The following ENDOG variants were observed in gnomAD, a reference collection of about 807,000 sequenced individuals.
The protein encoded by ENDOG is endonuclease G, mitochondrial.
A neutral mutation model predicts 22.6 loss-of-function variants in ENDOG; 22 were observed. The observed-to-expected ratio is 0.97, with a 90% confidence interval of 0.70 to 1.39. The LOEUF is 1.39. Ranked by LOEUF, ENDOG falls within the 40% of genes most tolerant of loss-of-function variation. The probability of loss-of-function intolerance (pLI) is 0.00; values close to 1 mark genes in which losing one functional copy is unlikely to be tolerated. For synonymous variants in ENDOG, 173 were observed against 200.2 expected, an observed-to-expected ratio of 0.86 and a Z score of 1.15; for missense variants, 403 against 431.3, an observed-to-expected ratio of 0.93 and a Z score of 0.58.
At chr9:128,820,355 G>C in intron 1 of ENDOG, 1 of 198,376 alleles carries the variant, frequency 5.0e-6, no homozygotes, top group Non-Finnish European at 1.0e-5. Context: ...GGCATTCCCC[G>C]CTAGGCTCTT....
At chr9:128,820,896 C>T (rs1158112388) in intron 2 of ENDOG, 48 bp downstream of exon 2, 1 of 1,498,276 alleles carries the variant, frequency 6.7e-7, no homozygotes, top group Non-Finnish European at 9.1e-7. Context: ...TCACCTGAGG[C>T]CCCTACTGCC....
intron 2 of ENDOG, 196 bp downstream of exon 2, chr9:128,821,044 C>A (rs1014374635): frequency 3.4e-6 from 2 of 594,654 alleles, no homozygotes; most frequent in East Asian, 5.6e-5. Context: ...TCGGGTACCC[C>A]TGACCATCTC....
intron 2 of ENDOG, 110 bp from the exon 3 acceptor site, chr9:128,822,218 G>C (rs1830133518): frequency 7.5e-7 from 1 of 1,337,970 alleles, no homozygotes; most frequent in South Asian, 1.4e-5. Flanking sequence ...TGAGGGCGTG[G>C]TCCTGCAGGT....
chr9:128,818,507 G>T lies in ENDOG; in HGVS notation c.-178G>T, dbSNP rs1279183037. ...AAAGAAAGGACGCCGGGGACACCCG[G>T]TTGGGCTCTGCTGCTCCCTTCTGGG... On this transcript the variant is annotated 5_prime_UTR_variant, in exon 1 of 3. Coordinates refer to ENST00000372642, the MANE Select transcript of ENDOG (RefSeq NM_004435.2). The T allele has an allele frequency of 1.2e-5, 8 of 645,614 alleles. No homozygotes were observed. The highest frequency in any genetic ancestry group is 9.8e-5 in the African/African-American group (5 of 50,800). The allele number at this position is 645,614 out of a possible 1,614,324, so 40.0% of individuals were successfully genotyped here.
chr9:128,822,501 G>A lies in ENDOG; in HGVS notation c.785G>A (p.Arg262His), dbSNP rs142344729. The change falls in exon 3 of 3, where the codon CGC (arginine) becomes CAC (histidine). Residue 262 changes from arginine to histidine, a missense_variant. Arg to His is a conservative substitution (Grantham distance 29). Coordinates refer to ENST00000372642, the MANE Select transcript of ENDOG (RefSeq NM_004435.2). ...APVDEAIPLERFLVPIESIER... is the reference protein window; with the variant it reads ...APVDEAIPLEHFLVPIESIER... ...GTGGATGAGGCCATCCCACTGGAGC[G>A]CTTCCTGGTGCCCATCGAGAGCATT... 2.4e-5 allele frequency: 37 copies of A among 1,561,778 alleles called. No homozygotes were observed. The highest frequency in any genetic ancestry group is 4.1e-5 in the African/African-American group (3 of 73,696).
At chr9:128,819,459 C>T (rs1830061449) in intron 1 of ENDOG, among the ~76,000 whole-genome samples, 1 of 152,244 alleles carries the variant, frequency 6.6e-6, no homozygotes, top group African/African-American at 2.4e-5. Context: ...TATTCACCTT[C>T]CTCCTGCGGT....
intron 2 of ENDOG, chr9:128,821,840 AGGCGGTGGTTG>A (rs1830125136): frequency 5.7e-6 from 1 of 176,854 alleles, no homozygotes; most frequent in Admixed American, 5.4e-5. Flanking sequence ...AGGCTGGCCA[AGGCGGTGGTTG>A]GGGCACTGAT....
rs1305996847 is a variant in ENDOG at position 128,818,853 on chromosome 9, G to C, written c.169G>C (p.Gly57Arg). The change falls in exon 1 of 3, where the codon GGA (glycine) becomes CGA (arginine). Residue 57 changes from glycine (G) to arginine (R), a missense_variant. Transcript: ENST00000372642. ...AAAELPPVPG[G>R]PRGPGELAKY... ...AGCCGAGTTGCCCCCTGTGCCCGGG[G>C]GACCCCGCGGCCCGGGCGAGCTGGC... 7.8e-5 allele frequency: 109 copies of C among 1,398,038 alleles called. No individual in the cohort carries two copies. The highest frequency in any genetic ancestry group is 1.0e-4 in the Non-Finnish European group (109 of 1,082,338). The allele number at this position is 1,398,038 out of a possible 1,614,324, so 86.6% of individuals were successfully genotyped here.
rs1324807029 is a variant in ENDOG at position 128,822,495 on chromosome 9, T to C, written c.779T>C (p.Leu260Pro). Residue 260 changes from leucine (L) to proline (P), a missense_variant, in exon 3 of 3, where the codon CTG becomes CCG. By Grantham distance (98) the Leu-to-Pro change is moderately conservative. Transcript: ENST00000372642. ...GCACCTGTGGATGAGGCCATCCCAC[T>C]GGAGCGCTTCCTGGTGCCCATCGAG... is the stretch of plus-strand genomic sequence containing the variant. ...PNAPVDEAIP[L>P]ERFLVPIESI... 1 of 1,563,576 alleles carries C rather than the reference T, an allele frequency of 6.4e-7. No homozygotes were observed. The highest frequency in any genetic ancestry group is 1.2e-5 in the South Asian group (1 of 85,224).
chr9:128,821,989 A>T, intron 2 of ENDOG: 1 of 318,752 alleles, frequency 3.1e-6, no homozygotes, highest in Non-Finnish European at 6.0e-6. Context: ...GTCCTTGCCC[A>T]CTTGTTGCTC....
Position 128,818,761 on chromosome 9 carries a change from G to A in ENDOG, c.77G>A (p.Arg26Gln). 3.4e-6 allele frequency: 4 copies of A among 1,179,538 alleles called. No homozygotes were observed. The highest frequency in any genetic ancestry group is 4.2e-6 in the Non-Finnish European group (4 of 955,184). The allele number at this position is 1,179,538 out of a possible 1,614,324, so 73.1% of individuals were successfully genotyped here. The change falls in exon 1 of 3, where the codon CGG becomes CAG. Residue 26 changes from arginine (R) to glutamine (Q), a missense_variant. Coordinates refer to ENST00000372642, the MANE Select transcript of ENDOG (RefSeq NM_004435.2). ...LGAVVEGWRR[R>Q]REDARAAPGL... Reference sequence around the variant, plus strand: ...GCGGTCGTCGAGGGCTGGCGGCGGCGGCGGGAGGACGCGCGGGCGGCGCCG... The same window carrying A: ...GCGGTCGTCGAGGGCTGGCGGCGGCAGCGGGAGGACGCGCGGGCGGCGCCG...
At chr9:128,822,225 A>C in intron 2 of ENDOG, 103 bp from the exon 3 acceptor site, 1 of 1,399,740 alleles carries the variant, frequency 7.1e-7, no homozygotes, top group South Asian at 1.4e-5. Context: ...GTGGTCCTGC[A>C]GGTTGACAGA....
chr9:128,821,637 G>A (rs1589590138), intron 2 of ENDOG: 1 of 155,404 alleles, frequency 6.4e-6, no homozygotes, highest in Non-Finnish European at 1.4e-5. Flanking sequence ...CAGAGGGCTG[G>A]GGCTGAGAGG....
chr9:128,819,031 G>C lies in ENDOG; in HGVS notation c.347G>C (p.Arg116Pro). The C allele has an allele frequency of 6.7e-7, 1 of 1,495,246 alleles. No homozygotes were observed. The highest frequency in any genetic ancestry group is 8.9e-7 in the Non-Finnish European group (1 of 1,129,154). The allele number at this position is 1,495,246 out of a possible 1,614,324, so 92.6% of individuals were successfully genotyped here. A position where few individuals can be genotyped will look rare whatever the true frequency, so the allele number is the denominator to read the frequency against. Residue 116 changes from arginine (R) to proline (P), a missense_variant, in exon 1 of 3, where the codon CGC (arginine) becomes CCC (proline). Coordinates refer to ENST00000372642, the MANE Select transcript of ENDOG (RefSeq NM_004435.2). ...GGCGACCGGCGCGAGTGCGACTTCC[G>C]CGAGGACGACTCGGTGCACGCGTAC... is the stretch of plus-strand genomic sequence containing the variant. Reference protein sequence around the residue: ...GDGDRRECDFREDDSVHAYHR... With the variant: ...GDGDRRECDFPEDDSVHAYHR...
Position 128,822,658 on chromosome 9 carries a change from A to G in ENDOG, c.*48A>G, listed in dbSNP as rs1830148974. The G allele has an allele frequency of 2.6e-6, 4 of 1,554,894 alleles. No homozygotes were observed. The East Asian group carries it at 9.6e-5, about 37-fold the overall frequency. ...GGGTGTGTGCAGGCCGGGGAGTATT[A>G]AAGGTGGTGATTTTTGGAGACAAGT... is the stretch of plus-strand genomic sequence containing the variant. On this transcript the variant is annotated 3_prime_UTR_variant, in exon 3 of 3. Coordinates refer to ENST00000372642, the MANE Select transcript of ENDOG (RefSeq NM_004435.2).
chr9:128,820,848 G>T lies in ENDOG; in HGVS notation c.611G>T (p.Arg204Met), dbSNP rs776955894. 4 of 1,606,068 alleles carry T rather than the reference G, an allele frequency of 2.5e-6. No individual in the cohort carries two copies. The South Asian group carries it at 4.5e-5, about 18-fold the overall frequency. Reference protein sequence around the residue: ...YVCTGPLFLPRTEADGKSYVK... With the variant: ...YVCTGPLFLPMTEADGKSYVK... The stretch of plus-strand genomic sequence containing the variant: ...TGCACAGGGCCACTCTTCCTGCCCA[G>T]GTAAGGTGGAAACCAGGGGGGCGGC... The change falls in exon 2 of 3, where the codon AGG becomes ATG. Residue 204 changes from arginine (R) to methionine (M), a missense_variant and splice_region_variant. Arg to Met is a moderately conservative substitution (Grantham distance 91, BLOSUM62 -1). Coordinates refer to ENST00000372642, the MANE Select transcript of ENDOG (RefSeq NM_004435.2).
At position 128,822,437 on chromosome 9, in the gene ENDOG, C is replaced by A. The variant is rs2132585057; in HGVS notation, c.721C>A (p.Gln241Lys). The A allele has an allele frequency of 1.9e-6, 3 of 1,597,928 alleles. No individual in the cohort carries two copies. In the South Asian group the frequency reaches 3.4e-5, roughly 18 times the overall value. Residue 241 changes from glutamine to lysine, a missense_variant, in exon 3 of 3, where the codon CAA becomes AAA. By Grantham distance (53) the Gln-to-Lys change is moderately conservative. Coordinates refer to ENST00000372642, the MANE Select transcript of ENDOG (RefSeq NM_004435.2). Reference sequence around the variant, plus strand: ...GCTGATCCTGGAGGCAGCAGGTGGGCAAATTGAGCTCCGCACCTACGTGAT... The same window carrying A: ...GCTGATCCTGGAGGCAGCAGGTGGGAAAATTGAGCTCCGCACCTACGTGAT... ...KVLILEAAGG[Q>K]IELRTYVMPN...
chr9:128,818,839 C>A lies in ENDOG; in HGVS notation c.155C>A (p.Pro52His). 7.4e-7 allele frequency: 1 copy of A among 1,349,478 alleles called. No homozygotes were observed. Among genetic ancestry groups the A allele is most frequent in the Non-Finnish European group, 9.5e-7 (1 of 1,055,434 alleles). 83.6% of individuals were successfully genotyped at this position (1,349,478 alleles called of 1,614,324 possible). Residue 52 changes from proline (P) to histidine (H), a missense_variant, in exon 1 of 3, where the codon CCC becomes CAC. Pro to His is a moderately conservative substitution (Grantham distance 77). Transcript: ENST00000372642. ...CCCGTGGCGGCGGCAGCCGAGTTGC[C>A]CCCTGTGCCCGGGGGACCCCGCGGC... ...VLPVAAAAELPPVPGGPRGPG... is the reference protein window; with the variant it reads ...VLPVAAAAELHPVPGGPRGPG...
At position 128,819,161 on chromosome 9, in the gene ENDOG, C is replaced by A. The variant is rs916307392; in HGVS notation, c.477C>A (p.Phe159Leu). 1.1e-5 allele frequency: 16 copies of A among 1,506,982 alleles called. No homozygotes were observed. Among genetic ancestry groups the A allele is most frequent in the Non-Finnish European group, 1.4e-5 (16 of 1,131,658 alleles). 93.4% of individuals were successfully genotyped at this position (1,506,982 alleles called of 1,614,324 possible). Reference sequence around the variant, plus strand: ...GCCAGAAGGCCATGGACGACACGTTCTACCTGAGCAACGTCGCGCCCCAGG... The same window carrying A: ...GCCAGAAGGCCATGGACGACACGTTATACCTGAGCAACGTCGCGCCCCAGG... The part of the protein sequence containing the change: ...RWSQKAMDDT[F>L]YLSNVAPQVP... The change falls in exon 1 of 3, where the codon TTC becomes TTA. Residue 159 changes from phenylalanine (F) to leucine (L), a missense_variant. Physicochemically the swap from Phe to Leu is conservative, Grantham distance 22. Coordinates refer to ENST00000372642, the MANE Select transcript of ENDOG (RefSeq NM_004435.2).
Sources: allele counts gnomAD v4.1 joint callset (sites outside exome capture counted in the v4.1 genomes callset), GRCh38; gene constraint gnomAD v4.1.1; transcripts MANE v1.5; gene names NCBI Gene and HGNC (gene_info 2026-07-23, HGNC 2026-07-21).